Variants in TRIM5 observed in about 807,000 individuals in gnomAD.
TRIM5 encodes tripartite motif containing 5.
Under a neutral mutation model 35.6 loss-of-function variants are expected in TRIM5, and 31 were observed. The observed-to-expected ratio is 0.87, with a 90% CI of 0.65 to 1.18. The LOEUF is 1.18. Ranked by LOEUF, TRIM5 falls within the 50% of genes most tolerant of loss-of-function variation. TRIM5 has a pLI of 0.00. For synonymous variants in TRIM5, 243 were observed against 215.6 expected, an observed-to-expected ratio of 1.13 and a Z score of -1.11; for missense variants, 609 against 591.6, an observed-to-expected ratio of 1.03 and a Z score of -0.31.
chr11:5,606,573 T>C, the TRIM5 span, among the ~76,000 whole-genome samples: 1 of 152,224 alleles, frequency 6.6e-6, no homozygotes, highest in African/African-American at 2.4e-5. Flanking sequence ...ACTTTCTGCC[T>C]GTTACAGCTT....
At chr11:5,608,400 T>C in the TRIM5 span, 1 of 1,613,702 alleles carries the variant, frequency 6.2e-7, no homozygotes, top group Admixed American at 1.7e-5. Flanking sequence ...GAAAGGTATG[T>C]GTAAGGAGAA....
At chr11:5,675,754 GGTTA>G (rs1851920592) in intron 4 of TRIM5, among the ~76,000 whole-genome samples, 1 of 146,596 alleles carries the variant, frequency 6.8e-6, no homozygotes, top group African/African-American at 2.5e-5. Flanking sequence ...ACATTGTGCA[GGTTA>G]GTTACATATG....
the TRIM5 span, chr11:5,632,796 T>G: frequency 1.3e-6 from 2 of 1,509,388 alleles, no homozygotes; most frequent in African/African-American, 1.4e-5. Context: ...AAGATGGTAG[T>G]TGGTGGAAAA....
the TRIM5 span, chr11:5,611,306 T>C: frequency 1.2e-6 from 2 of 1,614,042 alleles, no homozygotes; most frequent in African/African-American, 2.7e-5. Context: ...CTTGCAACTG[T>C]GTAATTCCTA....
chr11:5,679,938 GA>G lies in TRIM5; in HGVS notation c.239del (p.Leu80ProfsTer6). 3 of 1,614,054 alleles carry G rather than the reference GA, an allele frequency of 1.9e-6. No homozygotes were observed. Among genetic ancestry groups the G allele is most frequent in the Non-Finnish European group, 2.5e-6 (3 of 1,180,012 alleles). On this transcript the variant is annotated frameshift_variant, in exon 2 of 8. Coordinates refer to ENST00000380034, the MANE Select transcript of TRIM5 (RefSeq NM_033034.3). LOFTEE classifies it high-confidence loss of function. ...NRHVANIVEKLREVKLSPEGQ... is the reference protein window; with the variant it reads ...NRHVANIVEKXREVKLSPEGQ... Reference sequence around the variant, plus strand: ...CCTCTGGGCTCAACTTGACCTCCCTGAGCTTCTCCACTATGTTGGCTACATG... The same window carrying G: ...CCTCTGGGCTCAACTTGACCTCCCTGGCTTCTCCACTATGTTGGCTACATG...
At position 5,663,845 on chromosome 11, in the gene TRIM5, A is replaced by G. The variant is rs1850929670; in HGVS notation, c.*964T>C. 6.5e-6 allele frequency: 1 copy of G among 153,022 alleles called. No homozygotes were observed. The highest frequency in any genetic ancestry group is 1.5e-5 in the Non-Finnish European group (1 of 68,766). 9.5% of individuals were successfully genotyped at this position (153,022 alleles called of 1,614,324 possible). On this transcript the variant is annotated 3_prime_UTR_variant, in exon 8 of 8. Transcript: ENST00000380034. ...GGTTATTGTTAACTCTAGTCACCCT[A>G]CTATGCAATAAAACATTAGCACTTA...
chr11:5,668,424 C>CTTGT (rs1485651448), intron 4 of TRIM5, among the ~76,000 whole-genome samples: 11 of 152,010 alleles, frequency 7.2e-5, no homozygotes, highest in Non-Finnish European at 1.6e-4. Context: ...TATAAGCAAA[C>CTTGT]AAGTGTACTA....
chr11:5,615,933 A>AT, the TRIM5 span, among the ~76,000 whole-genome samples: 361 of 121,386 alleles, frequency 3.0e-3, 9 homozygotes, highest in South Asian at 0.037. Context: ...ATATCTTTTC[A>AT]TTTTTTTTTT....
chr11:5,638,845 A>G, the TRIM5 span, among the ~76,000 whole-genome samples: 1 of 152,230 alleles, frequency 6.6e-6, no homozygotes, highest in African/African-American at 2.4e-5. Flanking sequence ...AAGGGAGTTT[A>G]TTTTTGCAAC....
At chr11:5,628,713 C>G in the TRIM5 span, among the ~76,000 whole-genome samples, 1 of 152,190 alleles carries the variant, frequency 6.6e-6, no homozygotes, top group South Asian at 2.1e-4. Flanking sequence ...ACTGTTGTAA[C>G]CAATTATCAC....
the TRIM5 span, among the ~76,000 whole-genome samples, chr11:5,654,413 T>C: frequency 5.3e-5 from 8 of 152,322 alleles, no homozygotes; most frequent in East Asian, 1.5e-3. Flanking sequence ...TATTTGGCTG[T>C]ATTCAACATC....
chr11:5,614,781 A>T, the TRIM5 span, among the ~76,000 whole-genome samples: 1 of 152,324 alleles, frequency 6.6e-6, no homozygotes, highest in South Asian at 2.1e-4. Context: ...TTTTTAGGGG[A>T]AGAGGACTGT....
chr11:5,683,611 G>A (rs569561661), intron 1 of TRIM5, among the ~76,000 whole-genome samples: 21 of 150,530 alleles, frequency 1.4e-4, no homozygotes, highest in Middle Eastern at 3.4e-3. Context: ...TGTCTAGCTC[G>A]GGGTTTGTGA....
chr11:5,653,371 C>T, the TRIM5 span, among the ~76,000 whole-genome samples: 1 of 152,192 alleles, frequency 6.6e-6, no homozygotes, highest in East Asian at 1.9e-4. Context: ...ATATCTGTTG[C>T]AAGACTTGGG....
the TRIM5 span, chr11:5,645,891 ATATATCT>A: frequency 5.9e-6 from 1 of 169,004 alleles, no homozygotes; most frequent in African/African-American, 2.7e-5. Flanking sequence ...ATATATATAT[ATATATCT>A]ATATATAGAT....
intron 4 of TRIM5, among the ~76,000 whole-genome samples, chr11:5,670,463 C>G (rs907526704): frequency 2.6e-5 from 4 of 151,818 alleles, no homozygotes; most frequent in Admixed American, 2.6e-4. Context: ...GCCACTGCGC[C>G]CAGCCCAGAT....
the TRIM5 span, chr11:5,605,096 A>G: frequency 1.8e-6 from 1 of 554,544 alleles, no homozygotes; most frequent in South Asian, 2.0e-5. Context: ...TCACCCAGGA[A>G]TCACAGTTGA....
the TRIM5 span, among the ~76,000 whole-genome samples, chr11:5,602,518 G>C: frequency 0.13 from 20,084 of 151,818 alleles, 1,734 homozygotes; most frequent in East Asian, 0.24. Flanking sequence ...CTTCTGATAA[G>C]GGAATAGGTA....
At chr11:5,641,088 TC>T in the TRIM5 span, 302 of 1,491,136 alleles carry the variant, frequency 2.0e-4, no homozygotes, top group South Asian at 2.3e-4. Flanking sequence ...CCATTTTTTT[TC>T]CTACTGTTCT....
Sources: allele counts gnomAD v4.1 joint callset (sites outside exome capture counted in the v4.1 genomes callset), GRCh38; gene constraint gnomAD v4.1.1; transcripts MANE v1.5; gene names NCBI Gene and HGNC (gene_info 2026-07-23, HGNC 2026-07-21).